SMCHD1: variants seen among roughly 807,000 people sequenced by gnomAD.
SMCHD1 encodes the protein structural maintenance of chromosomes flexible hinge domain-containing protein 1.
A neutral mutation model predicts 254.7 loss-of-function variants in SMCHD1; 78 were observed. That is an observed-to-expected ratio of 0.31 (90% CI 0.26 to 0.37). The LOEUF (loss-of-function observed/expected upper bound fraction) is 0.37, where lower values mean the gene tolerates loss of function less well. Ranked by LOEUF, SMCHD1 falls within the 10% of genes least tolerant of loss-of-function variation. The probability of loss-of-function intolerance (pLI) is 1.00; values close to 1 mark genes in which losing one functional copy is unlikely to be tolerated. For missense variants in SMCHD1, 1,840 were observed against 2,408.1 expected, an observed-to-expected ratio of 0.76 and a Z score of 4.94; for synonymous variants, 766 against 794.9, an observed-to-expected ratio of 0.96 and a Z score of 0.61.
chr18:2,795,634 TGAATA>T, intron 45 of SMCHD1, among the ~76,000 whole-genome samples: 1 of 152,324 alleles, frequency 6.6e-6, no homozygotes, highest in South Asian at 2.1e-4. Context: ...TATTGAATAC[TGAATA>T]TCAGACAAGA....
intron 39 of SMCHD1, among the ~76,000 whole-genome samples, chr18:2,770,900 G>GCA (rs1245607662): frequency 1.2e-4 from 19 of 152,284 alleles, no homozygotes; most frequent in South Asian, 6.2e-4. Flanking sequence ...AGGATTACAG[G>GCA]TGTTAGCCAC....
chr18:2,799,853 C>T (rs1346323327), intron 47 of SMCHD1, among the ~76,000 whole-genome samples: 2 of 152,026 alleles, frequency 1.3e-5, no homozygotes, highest in African/African-American at 4.8e-5. Flanking sequence ...TGTAAATCTG[C>T]CATCCTGGGT....
chr18:2,746,865 T>C (rs2075463593), intron 29 of SMCHD1, among the ~76,000 whole-genome samples: 1 of 152,194 alleles, frequency 6.6e-6, no homozygotes, highest in African/African-American at 2.4e-5. Flanking sequence ...TGCCCAATAT[T>C]AATAGGTCAG....
At chr18:2,787,274 C>T (rs1030613566) in intron 45 of SMCHD1, among the ~76,000 whole-genome samples, 2 of 152,136 alleles carry the variant, frequency 1.3e-5, no homozygotes, top group Non-Finnish European at 2.9e-5. Context: ...AGGGATGGCA[C>T]TAATCTATTC....
In SMCHD1 at chr18:2,784,570, G is replaced by C. The variant is rs2076209381; in HGVS notation, c.5668G>C (p.Val1890Leu). The C allele has an allele frequency of 1.2e-6, 2 of 1,610,132 alleles. No individual in the cohort carries two copies. The highest frequency in any genetic ancestry group is 2.7e-5 in the African/African-American group (2 of 74,822). The change falls in exon 45 of 48, where the codon GTA becomes CTA. Residue 1890 changes from valine to leucine, a missense_variant. Transcript: ENST00000320876. Reference sequence around the variant, plus strand: ...TCCAATGGATAAACTTCGGGGAATGGTATTTGGAGCTCCAGTTCCAAAACA... The same window carrying C: ...TCCAATGGATAAACTTCGGGGAATGCTATTTGGAGCTCCAGTTCCAAAACA... ...APPMDKLRGM[V>L]FGAPVPKQCL... is the part of the protein sequence containing the mutation.
intron 34 of SMCHD1, among the ~76,000 whole-genome samples, chr18:2,753,391 A>G (rs2075612457): frequency 6.6e-6 from 1 of 152,150 alleles, no homozygotes; most frequent in Non-Finnish European, 1.5e-5. Context: ...TGCATTTTCA[A>G]TTTTGGGCTA....
rs1210087689 is a variant in SMCHD1 at position 2,697,980 on chromosome 18, C to G, written c.1281C>G (p.Ile427Met). The G allele has an allele frequency of 1.2e-6, 2 of 1,613,476 alleles. No individual in the cohort carries two copies. The highest frequency in any genetic ancestry group is 1.3e-5 in the African/African-American group (1 of 74,900). The change falls in exon 10 of 48, where the codon ATC becomes ATG. Residue 427 changes from isoleucine (I) to methionine (M), a missense_variant. Transcript: ENST00000320876. ...GAGATGGTGTAGTGGAAGGGATTAT[C>G]CGTTATCATCCATTCTTATATGATA... ...VEGDGVVEGI[I>M]RYHPFLYDRE...
intron 45 of SMCHD1, among the ~76,000 whole-genome samples, chr18:2,785,448 C>T (rs550420224): frequency 2.6e-4 from 40 of 151,812 alleles, no homozygotes; most frequent in African/African-American, 8.4e-4. Context: ...GGAGATCGAG[C>T]CCATCTTGGC....
At chr18:2,664,353 A>G (rs929523319) in intron 1 of SMCHD1, among the ~76,000 whole-genome samples, 74 of 131,398 alleles carry the variant, frequency 5.6e-4, no homozygotes, top group Non-Finnish European at 1.0e-3. Context: ...TCCTCACATT[A>G]AATTTGTTTT....
At chr18:2,678,357 A>G (rs371428710) in intron 5 of SMCHD1, among the ~76,000 whole-genome samples, 2 of 143,372 alleles carry the variant, frequency 1.4e-5, no homozygotes, top group Non-Finnish European at 1.5e-5. Flanking sequence ...CTGGAGTGCA[A>G]TGGCACAATC....
intron 28 of SMCHD1, among the ~76,000 whole-genome samples, chr18:2,741,188 G>C (rs1207730710): frequency 2.0e-5 from 3 of 152,180 alleles, no homozygotes; most frequent in East Asian, 1.9e-4. Flanking sequence ...TTAACAGGAT[G>C]ATGAGGAGAA....
intron 45 of SMCHD1, among the ~76,000 whole-genome samples, chr18:2,789,146 C>T (rs140006127): frequency 1.3e-5 from 2 of 152,040 alleles, no homozygotes; most frequent in Non-Finnish European, 2.9e-5. Context: ...CTTAGCCTTT[C>T]GAATAGCTGG....
In SMCHD1 at chr18:2,708,748, C is replaced by T. The variant is rs558610314; in HGVS notation, c.2260+828C>T. Among the ~76,000 whole-genome samples the T allele has an allele frequency of 1.1e-3, 163 of 149,536 alleles. 1 individual carries two copies. Among genetic ancestry groups the T allele is most frequent in the Admixed American group, 3.4e-3 (51 of 15,036 alleles). On this transcript the variant is annotated intron_variant, in intron 17 of 47. Transcript: ENST00000320876. ...CTCCTGTCTCAGCCTCCTGAGTAGCCGGGATTACAGGCACATGCCACCACT... is the reference window on the plus strand; with the variant it reads ...CTCCTGTCTCAGCCTCCTGAGTAGCTGGGATTACAGGCACATGCCACCACT...
rs759808617 is a variant in SMCHD1 at position 2,709,246 on chromosome 18, A to ATATATATATATATATG, written c.2260+1330_2260+1331insTATATATATATGTATA. ...TGTGTATATGTGTATATATATATATATATACACACACACATGTATACACAT... is the reference window on the plus strand; with the variant it reads ...TGTGTATATGTGTATATATATATATATATATATATATATATGTATACACACACACATGTATACACAT... On this transcript the variant is annotated intron_variant, in intron 17 of 47. Transcript: ENST00000320876. 7.7e-3 allele frequency among the ~76,000 whole-genome samples: 831 copies of ATATATATATATATATG among 107,422 alleles called. 10 individuals are homozygous for ATATATATATATATATG. Among genetic ancestry groups the ATATATATATATATATG allele is most frequent in the South Asian group, 0.02 (73 of 3,624 alleles). 70.5% of individuals were successfully genotyped at this position (107,422 alleles called of 152,430 possible). A position where few individuals can be genotyped will look rare whatever the true frequency, so the allele number is the denominator to read the frequency against.
intron 15 of SMCHD1, among the ~76,000 whole-genome samples, chr18:2,707,289 A>G (rs1318381731): frequency 6.6e-6 from 1 of 151,342 alleles, no homozygotes; most frequent in Non-Finnish European, 1.5e-5. Context: ...AATTTGTACT[A>G]TAAACAAGTA....
chr18:2,710,318 G>T (rs1401171267), intron 17 of SMCHD1, among the ~76,000 whole-genome samples: 2 of 152,148 alleles, frequency 1.3e-5, no homozygotes, highest in African/African-American at 2.4e-5. Context: ...AAAATGAGGA[G>T]GTGTGAGTCC....
intron 37 of SMCHD1, among the ~76,000 whole-genome samples, chr18:2,768,366 G>A (rs747498459): frequency 7.2e-5 from 11 of 151,944 alleles, no homozygotes; most frequent in Non-Finnish European, 1.5e-4. Context: ...TTAAATGTTG[G>A]CCAGCATAAG....
intron 12 of SMCHD1, 37 bp from the exon 13 acceptor site, chr18:2,703,655 G>A: frequency 6.7e-7 from 1 of 1,497,062 alleles, no homozygotes; most frequent in Non-Finnish European, 9.2e-7. Flanking sequence ...TTGTTTGCTA[G>A]TAGCTATATT....
intron 5 of SMCHD1, among the ~76,000 whole-genome samples, chr18:2,682,111 C>G (rs2073944016): frequency 6.6e-6 from 1 of 151,872 alleles, no homozygotes; most frequent in Non-Finnish European, 1.5e-5. Flanking sequence ...ATTCTAGAGG[C>G]TCTGATAGAG....
Sources: allele counts gnomAD v4.1 joint callset (sites outside exome capture counted in the v4.1 genomes callset), GRCh38; gene constraint gnomAD v4.1.1; transcripts MANE v1.5; gene names NCBI Gene and HGNC (gene_info 2026-07-23, HGNC 2026-07-21).